The following DARS2 variants were observed in gnomAD, a reference collection of about 807,000 sequenced individuals.
The protein encoded by DARS2 is aspartate--tRNA ligase, mitochondrial.
In DARS2, 63 loss-of-function variants were observed where a neutral mutation model predicts 83.0. That is an observed-to-expected ratio of 0.76 (90% confidence interval 0.62 to 0.94). The LOEUF is 0.94. DARS2 is among the 40% of genes least tolerant of loss of function. The pLI, the probability that DARS2 is intolerant of heterozygous loss-of-function variation, is 0.00. For synonymous variants in DARS2, 250 were observed against 269.3 expected (o/e 0.93, Z 0.70); for missense variants, 675 against 774.4 (o/e 0.87, Z 1.52).
chr1:173,824,869 G>C lies in DARS2; in HGVS notation c.-361G>C. 1 of 338,068 alleles carries C rather than the reference G, an allele frequency of 3.0e-6. No homozygotes were observed. The highest frequency in any genetic ancestry group is 5.8e-6 in the Non-Finnish European group (1 of 171,770). The allele number at this position is 338,068 out of a possible 1,614,324, so 20.9% of individuals were successfully genotyped here. On this transcript the variant is annotated 5_prime_UTR_variant, in exon 1 of 17. Coordinates refer to ENST00000649689, the MANE Select transcript of DARS2 (RefSeq NM_018122.5). ...AGAAGCGTGGAAAGAGGAGAAGGGC[G>C]TATACCTTGTGACCGCCTCTGGTTG...
At chr1:173,851,544 T>C (rs1653669274) in intron 13 of DARS2, among the ~76,000 whole-genome samples, 1 of 152,108 alleles carries the variant, frequency 6.6e-6, no homozygotes, top group African/African-American at 2.4e-5. Context: ...GGACCCTTTT[T>C]CCTCAAGAAC....
chr1:173,825,360 A>C lies in DARS2; in HGVS notation c.127+4A>C. ...AGTTCACAGAGGAGAATTCCAGGTG[A>C]AAATAGCGAAGAGATCTATCCTATG... On this transcript the variant is annotated splice_donor_region_variant and intron_variant, in intron 1 of 16. Coordinates refer to ENST00000649689, the MANE Select transcript of DARS2 (RefSeq NM_018122.5). The C allele has an allele frequency of 6.2e-7, 1 of 1,612,382 alleles. No individual in the cohort carries two copies. The highest frequency in any genetic ancestry group is 8.5e-7 in the Non-Finnish European group (1 of 1,178,910).
chr1:173,857,437 C>G, intron 16 of DARS2, 81 bp from the exon 17 acceptor site: 1 of 1,423,908 alleles, frequency 7.0e-7, no homozygotes, highest in East Asian at 2.3e-5. Flanking sequence ...TAAAAGTTTT[C>G]TACAACTTTT....
At chr1:173,855,490 G>C (rs930001407) in intron 15 of DARS2, among the ~76,000 whole-genome samples, 1 of 152,058 alleles carries the variant, frequency 6.6e-6, no homozygotes, top group African/African-American at 2.4e-5. Flanking sequence ...ATTTTAAAAA[G>C]ATGGAGTCTC....
chr1:173,838,933 G>C (rs999203438), intron 9 of DARS2, among the ~76,000 whole-genome samples: 4 of 151,904 alleles, frequency 2.6e-5, no homozygotes, highest in Non-Finnish European at 4.4e-5. Flanking sequence ...GATGGGGTTT[G>C]ACCATGTTGG....
chr1:173,847,311 T>A (rs1653474605), intron 12 of DARS2, among the ~76,000 whole-genome samples: 1 of 152,184 alleles, frequency 6.6e-6, no homozygotes, highest in South Asian at 2.1e-4. Context: ...TATCTTCCAA[T>A]TTTGTTTATT....
intron 16 of DARS2, among the ~76,000 whole-genome samples, chr1:173,857,100 T>C (rs1653883467): frequency 6.6e-6 from 1 of 152,144 alleles, no homozygotes; most frequent in South Asian, 2.1e-4. Context: ...CTGATTGCCA[T>C]GGTTACTCAC....
rs368644758 is a variant in DARS2, at chr1:173,828,322, C to G, written c.228-11C>G. 4.0e-5 allele frequency: 55 copies of G among 1,379,654 alleles called. No homozygotes were observed. Among genetic ancestry groups the G allele is most frequent in the Non-Finnish European group, 4.7e-5 (47 of 994,494 alleles). The allele number at this position is 1,379,654 out of a possible 1,614,324, so 85.5% of individuals were successfully genotyped here. A position where few individuals can be genotyped will look rare whatever the true frequency, so the allele number is the denominator to read the frequency against. On this transcript the variant is annotated splice_polypyrimidine_tract_variant and intron_variant, in intron 2 of 16. Transcript: ENST00000649689. The stretch of plus-strand genomic sequence containing the variant: ...CTTAAAATGTTTCTTTTCCCCCCCC[C>G]CATTAATCAGGCAAAACACATTCTT...
intron 8 of DARS2, 135 bp from the exon 9 acceptor site, chr1:173,838,055 G>A (rs1653070955): frequency 1.4e-6 from 1 of 731,932 alleles, no homozygotes; most frequent in African/African-American, 1.7e-5. Flanking sequence ...TTATAGGTAT[G>A]AGCCGCCATG....
chr1:173,847,226 TTC>T (rs1386727526), intron 12 of DARS2, among the ~76,000 whole-genome samples: 6 of 152,172 alleles, frequency 3.9e-5, no homozygotes, highest in African/African-American at 1.4e-4. Flanking sequence ...TATCCTTTTT[TTC>T]TCTGTCGGCG....
At chr1:173,847,161 G>C (rs1557861246) in intron 12 of DARS2, among the ~76,000 whole-genome samples, 1 of 152,038 alleles carries the variant, frequency 6.6e-6, no homozygotes, top group Non-Finnish European at 1.5e-5. Context: ...GACAAAATCA[G>C]AAAAGTCAGG....
intron 15 of DARS2, among the ~76,000 whole-genome samples, chr1:173,855,352 T>C (rs1272749300): frequency 6.6e-6 from 1 of 152,190 alleles, no homozygotes; most frequent in African/African-American, 2.4e-5. Flanking sequence ...TCCACCCGCC[T>C]TGGCCTCCCA....
Position 173,850,430 on chromosome 1 carries a change from C to T in DARS2, c.1295C>T (p.Thr432Ile), listed in dbSNP as rs769860086. 2.5e-6 allele frequency: 4 copies of T among 1,613,814 alleles called. No homozygotes were observed. In the Admixed American group the frequency reaches 6.7e-5, roughly 27 times the overall value. The change falls in exon 13 of 17, where the codon ACC (threonine) becomes ATC (isoleucine). Residue 432 changes from threonine (T) to isoleucine (I), a missense_variant. By Grantham distance (89) the Thr-to-Ile change is moderately conservative (BLOSUM62 -1). Transcript: ENST00000649689. ...QRLELIRLME[T>I]QEEDVVLLTA... ...CTGGAATTAATCAGACTAATGGAGA[C>T]CCAAGAGGAAGATGTGGTCCTACTA...
intron 5 of DARS2, 87 bp from the exon 6 acceptor site, chr1:173,833,289 A>G: frequency 7.8e-7 from 1 of 1,276,302 alleles, no homozygotes; most frequent in Non-Finnish European, 1.1e-6. Flanking sequence ...CAGAGCTAAA[A>G]TTTTTGAAAA....
At chr1:173,826,553 T>C in intron 1 of DARS2, 134 bp from the exon 2 acceptor site, 1 of 666,458 alleles carries the variant, frequency 1.5e-6, no homozygotes, top group Non-Finnish European at 2.6e-6. Context: ...TCTGACTTAT[T>C]TTATTTTATA....
intron 9 of DARS2, among the ~76,000 whole-genome samples, 159 bp from the exon 10 acceptor site, chr1:173,839,208 G>A (rs1325995183): frequency 6.6e-6 from 1 of 152,172 alleles, no homozygotes; most frequent in Non-Finnish European, 1.5e-5. Context: ...TGTATGTAAG[G>A]CCATTAGCAC....
intron 5 of DARS2, among the ~76,000 whole-genome samples, chr1:173,832,835 C>T (rs1168268512): frequency 6.6e-6 from 1 of 151,700 alleles, no homozygotes; most frequent in East Asian, 1.9e-4. Context: ...CATGGAGATT[C>T]CATCCACTGT....
intron 11 of DARS2, among the ~76,000 whole-genome samples, chr1:173,842,808 G>A (rs918393635): frequency 6.6e-6 from 1 of 151,214 alleles, no homozygotes; most frequent in African/African-American, 2.4e-5. Flanking sequence ...CATTGTGGTG[G>A]GTGCCTGTAA....
rs2102636054 is a variant in DARS2, at chr1:173,828,333, G to T, written c.228G>T (p.Arg76Ser). Residue 76 changes from arginine (R) to serine (S), a missense_variant and splice_region_variant, in exon 3 of 17, where the codon AGG (arginine) becomes AGT (serine). Coordinates refer to ENST00000649689, the MANE Select transcript of DARS2 (RefSeq NM_018122.5). ...VTLCGWIQYR[R>S]QNTFLVLRDF... ...TCTTTTCCCCCCCCCCATTAATCAG[G>T]CAAAACACATTCTTGGTCCTAAGAG... 6.2e-7 allele frequency: 1 copy of T among 1,602,924 alleles called. No individual in the cohort carries two copies. Among genetic ancestry groups the T allele is most frequent in the Non-Finnish European group, 8.5e-7 (1 of 1,174,974 alleles).
Sources: gnomAD v4.1 joint callset for allele counts (sites outside exome capture counted in the v4.1 genomes callset) on GRCh38, gnomAD v4.1.1 for gene constraint, MANE v1.5 for transcripts, NCBI Gene and HGNC (gene_info 2026-07-23, HGNC 2026-07-21) for gene names.